Variants in PSMD14 observed in about 807,000 individuals in gnomAD.
PSMD14 encodes ubiquitin C-terminal hydrolase PSMD14.
A neutral mutation model predicts 41.2 loss-of-function variants in PSMD14; 7 were observed. The observed-to-expected ratio is 0.17, with a 90% CI of 0.10 to 0.32. The LOEUF (loss-of-function observed/expected upper bound fraction) is 0.32. Among genes scored for constraint, PSMD14 ranks in the 10% least tolerant of loss-of-function variants. The pLI, the probability that PSMD14 is intolerant of heterozygous loss-of-function variation, is 1.00. For synonymous variants in PSMD14, 114 were observed against 122.3 expected (o/e 0.93, Z 0.45); for missense variants, 139 against 375.6 (o/e 0.37, Z 5.21).
At chr2:161,363,006 A>T (rs1216174337) in intron 3 of PSMD14, among the ~76,000 whole-genome samples, 1 of 152,194 alleles carries the variant, frequency 6.6e-6, no homozygotes, top group African/African-American at 2.4e-5. Flanking sequence ...GTGTCCTCAT[A>T]TGAGTCTGTG....
intron 1 of PSMD14, among the ~76,000 whole-genome samples, chr2:161,313,769 C>G (rs1689118381): frequency 6.6e-6 from 1 of 152,204 alleles, no homozygotes; most frequent in Non-Finnish European, 1.5e-5. Context: ...ATGCATGAAC[C>G]TAGAACATAC....
chr2:161,378,801 A>C (rs984018699), intron 7 of PSMD14, among the ~76,000 whole-genome samples: 3 of 152,042 alleles, frequency 2.0e-5, no homozygotes, highest in African/African-American at 7.2e-5. Flanking sequence ...CCTCATCCAT[A>C]AATTGATAAT....
At chr2:161,394,928 T>C in intron 9 of PSMD14, 150 bp from the exon 10 acceptor site, 2 of 680,344 alleles carry the variant, frequency 2.9e-6, no homozygotes, top group Admixed American at 3.6e-5. Context: ...AATACAAATA[T>C]AGGAGCATTC....
intron 7 of PSMD14, among the ~76,000 whole-genome samples, chr2:161,374,828 T>G (rs1683481683): frequency 6.6e-6 from 1 of 151,984 alleles, no homozygotes; most frequent in Non-Finnish European, 1.5e-5. Flanking sequence ...ATCATAAAAC[T>G]AGCATACAAC....
intron 1 of PSMD14, among the ~76,000 whole-genome samples, chr2:161,311,693 G>T (rs1490207907): frequency 7.3e-6 from 1 of 137,552 alleles, no homozygotes; most frequent in East Asian, 2.1e-4. Flanking sequence ...GTGCAGTGGC[G>T]TGATCTTGGC....
rs143549510 is a variant in PSMD14 at position 161,354,872 on chromosome 2, G to A, written c.49-12606G>A. Among the ~76,000 whole-genome samples the A allele has an allele frequency of 5.8e-3, 877 of 152,158 alleles. 7 individuals are homozygous for A. The highest frequency in any genetic ancestry group is 0.019 in the African/African-American group (769 of 41,496). ...TCCCCCTCTCCCCTGCTATTACATC[G>A]CTTCACCCCACTGCCTGTTTCTTGC... On this transcript the variant is annotated intron_variant, in intron 3 of 11. Transcript: ENST00000409682.
chr2:161,367,679 GGA>G, intron 4 of PSMD14, 103 bp from the exon 5 acceptor site: 1 of 1,330,184 alleles, frequency 7.5e-7, no homozygotes, highest in South Asian at 1.4e-5. Context: ...ATTTATAAAA[GGA>G]GTTTTTATTT....
chr2:161,367,062 A>C (rs1245763541), intron 3 of PSMD14, among the ~76,000 whole-genome samples: 4 of 152,172 alleles, frequency 2.6e-5, no homozygotes, highest in Non-Finnish European at 5.9e-5. Context: ...CACTGTTGTG[A>C]TGAATTTGCA....
At chr2:161,338,614 G>A (rs1682902615) in intron 3 of PSMD14, among the ~76,000 whole-genome samples, 1 of 152,038 alleles carries the variant, frequency 6.6e-6, no homozygotes, top group Non-Finnish European at 1.5e-5. Flanking sequence ...TTTCAGTATA[G>A]GAGTATTTAT....
In PSMD14 at chr2:161,395,094, A is replaced by C. The variant is rs1423189601; in HGVS notation, c.662A>C (p.His221Pro). The change falls in exon 10 of 12, where the codon CAT (histidine) becomes CCT (proline). Residue 221 changes from histidine (H) to proline (P), a missense_variant. By Grantham distance (77) the His-to-Pro change is moderately conservative. This residue lies in a region of PSMD14 where 80 missense variants were observed against 138.1 expected (regional missense o/e 0.58). Coordinates refer to ENST00000409682, the MANE Select transcript of PSMD14 (RefSeq NM_005805.6). The part of the protein sequence containing the change: ...ELEQKMLLNL[H>P]KKSWMEGLTL... ...ATTTTTTAGATGTTGCTAAATTTGC[A>C]TAAGAAGAGTTGGATGGAAGGTTTG... The C allele has an allele frequency of 1.3e-6, 2 of 1,590,052 alleles. No homozygotes were observed. The highest frequency in any genetic ancestry group is 8.5e-7 in the Non-Finnish European group (1 of 1,170,940).
intron 9 of PSMD14, 108 bp downstream of exon 9, chr2:161,391,286 T>G (rs1160170954): frequency 9.0e-7 from 1 of 1,116,544 alleles, no homozygotes; most frequent in Non-Finnish European, 1.2e-6. Flanking sequence ...TTTCAGTGTT[T>G]CCAAATATTA....
rs931151076 is a variant in PSMD14 at position 161,411,668 on chromosome 2, A to G, written c.*268A>G. ...TTTAATATTTGAAAAAATCAGTAGC[A>G]CAAATATATTTTGATTGTCACTTAC... On this transcript the variant is annotated 3_prime_UTR_variant, in exon 12 of 12. Transcript: ENST00000409682. 1.1e-4 allele frequency: 24 copies of G among 212,664 alleles called. No individual in the cohort carries two copies. The highest frequency in any genetic ancestry group is 1.7e-4 in the Admixed American group (3 of 17,176). The allele number at this position is 212,664 out of a possible 1,614,324, so 13.2% of individuals were successfully genotyped here.
At chr2:161,403,399 T>C (rs555891733) in intron 10 of PSMD14, among the ~76,000 whole-genome samples, 7 of 152,208 alleles carry the variant, frequency 4.6e-5, no homozygotes, top group Admixed American at 6.5e-5. Context: ...AAGGCAGGAA[T>C]GGGGAGGTAA....
intron 7 of PSMD14, among the ~76,000 whole-genome samples, chr2:161,373,767 CAAT>C (rs936094752): frequency 7.3e-5 from 11 of 151,624 alleles, no homozygotes; most frequent in African/African-American, 2.7e-4. Context: ...TTATAAATTC[CAAT>C]ATTTCTGTCT....
chr2:161,400,466 T>C (rs1473946944), intron 10 of PSMD14, among the ~76,000 whole-genome samples: 1 of 152,228 alleles, frequency 6.6e-6, no homozygotes, highest in Non-Finnish European at 1.5e-5. Context: ...CACTTATACA[T>C]GGATTTTTCT....
rs79998242 is a variant in PSMD14, at chr2:161,401,423, G to T, written c.771+6220G>T. Reference sequence around the variant, plus strand: ...AACTGTACATCTCATTTGACAGAACGTAGTTAAATGGACGCAACTAGCTGC... The same window carrying T: ...AACTGTACATCTCATTTGACAGAACTTAGTTAAATGGACGCAACTAGCTGC... On this transcript the variant is annotated intron_variant, in intron 10 of 11. Coordinates refer to ENST00000409682, the MANE Select transcript of PSMD14 (RefSeq NM_005805.6). Among the ~76,000 whole-genome samples the T allele has an allele frequency of 0.014, 2,104 of 152,318 alleles. 109 individuals carry two copies. The East Asian group carries it at 0.17, about 12-fold the overall frequency.
chr2:161,325,711 TC>T (rs1308469110), intron 3 of PSMD14, among the ~76,000 whole-genome samples: 1 of 152,100 alleles, frequency 6.6e-6, no homozygotes, highest in African/African-American at 2.4e-5. Context: ...GCAAAGAAAT[TC>T]CTAAAAAGGA....
At chr2:161,345,958 C>A (rs1336738090) in intron 3 of PSMD14, among the ~76,000 whole-genome samples, 1 of 152,130 alleles carries the variant, frequency 6.6e-6, no homozygotes. Flanking sequence ...GTGGCATGAT[C>A]ACAGCTCACT....
At chr2:161,373,830 C>T (rs146452493) in intron 7 of PSMD14, among the ~76,000 whole-genome samples, 1 of 151,848 alleles carries the variant, frequency 6.6e-6, no homozygotes, top group East Asian at 1.9e-4. Flanking sequence ...TCAATTCATT[C>T]ACAATAGTTT....
Sources: gnomAD v4.1 joint callset for allele counts (sites outside exome capture counted in the v4.1 genomes callset) on GRCh38, gnomAD v4.1.1 for gene constraint, gnomAD v4.1.1 regional missense constraint, MANE v1.5 for transcripts, NCBI Gene and HGNC (gene_info 2026-07-23, HGNC 2026-07-21) for gene names.